Variants in BRMS1L observed in about 807,000 individuals in gnomAD.
The protein encoded by BRMS1L is BRMS1 like transcriptional repressor.
Under a neutral mutation model 50.3 loss-of-function variants are expected in BRMS1L, and 23 were observed. The ratio of observed to expected loss-of-function variants is 0.46; its 90% confidence interval spans 0.33 to 0.65. The LOEUF (loss-of-function observed/expected upper bound fraction) is 0.65. Ranked by LOEUF, BRMS1L falls within the 30% of genes least tolerant of loss-of-function variation. BRMS1L has a pLI of 0.02. For synonymous variants in BRMS1L, 114 were observed against 126.9 expected, an observed-to-expected ratio of 0.90 and a Z score of 0.69; for missense variants, 286 against 386.1, an observed-to-expected ratio of 0.74 and a Z score of 2.17.
At chr14:35,845,467 G>A (rs185203865) in intron 4 of BRMS1L, among the ~76,000 whole-genome samples, 1 of 152,062 alleles carries the variant, frequency 6.6e-6, no homozygotes, top group Non-Finnish European at 1.5e-5. Context: ...TGAATTAGTC[G>A]TGGTTTTATT....
chr14:35,842,469 G>C (rs1049097098), intron 4 of BRMS1L, among the ~76,000 whole-genome samples: 1 of 152,152 alleles, frequency 6.6e-6, no homozygotes, highest in African/African-American at 2.4e-5. Flanking sequence ...ATTCTGGGTT[G>C]AAAATTCTTT....
chr14:35,832,992 G>T lies in BRMS1L; in HGVS notation c.248G>T (p.Arg83Leu). ...GCTTTGTTAAGACTTTATAAAGAAC[G>T]ATTAAGTCAGGTGGATGCAAAACTA... ...TDLKDQLYKERLSQVDAKLQE... is the reference protein window; with the variant it reads ...TDLKDQLYKELLSQVDAKLQE... Residue 83 changes from arginine (R) to leucine (L), a missense_variant, in exon 3 of 10, where the codon CGA (arginine) becomes CTA (leucine). Arg to Leu is a moderately radical substitution (Grantham distance 102). Around this residue, in one of 5 missense-constraint regions of BRMS1L, gnomAD observed 160 missense variants for 240.6 expected, o/e 0.66. Transcript: ENST00000216807. 6.2e-7 allele frequency: 1 copy of T among 1,610,154 alleles called. No individual in the cohort carries two copies. The highest frequency in any genetic ancestry group is 1.1e-5 in the South Asian group (1 of 90,220).
At chr14:35,862,416 T>G (rs1232774739) in intron 4 of BRMS1L, among the ~76,000 whole-genome samples, 174 bp from the exon 5 acceptor site, 1 of 152,240 alleles carries the variant, frequency 6.6e-6, no homozygotes, top group Non-Finnish European at 1.5e-5. Flanking sequence ...GATTCTATAT[T>G]TTCTAGTTTT....
intron 4 of BRMS1L, among the ~76,000 whole-genome samples, chr14:35,861,982 T>A (rs544790796): frequency 6.6e-6 from 1 of 152,318 alleles, no homozygotes; most frequent in East Asian, 1.9e-4. Context: ...AGACCTGGGT[T>A]CTAGTCTATT....
At chr14:35,828,697 C>G (rs1348129607) in intron 1 of BRMS1L, among the ~76,000 whole-genome samples, 1 of 152,120 alleles carries the variant, frequency 6.6e-6, no homozygotes, top group Admixed American at 6.5e-5. Flanking sequence ...CTCAGGTGAT[C>G]TGCCTGCCTC....
chr14:35,831,738 C>G (rs546162676), intron 2 of BRMS1L, among the ~76,000 whole-genome samples: 2 of 151,962 alleles, frequency 1.3e-5, no homozygotes, highest in African/African-American at 4.8e-5. Context: ...TGGGCAACAT[C>G]GGAAGACCTG....
chr14:35,837,623 T>C (rs1265841563), intron 4 of BRMS1L, among the ~76,000 whole-genome samples: 2 of 152,154 alleles, frequency 1.3e-5, no homozygotes, highest in Non-Finnish European at 2.9e-5. Flanking sequence ...TGATCCTGGC[T>C]CACTGCATCC....
chr14:35,829,239 G>T (rs1314223432), intron 1 of BRMS1L, among the ~76,000 whole-genome samples: 1 of 152,192 alleles, frequency 6.6e-6, no homozygotes, highest in Non-Finnish European at 1.5e-5. Context: ...ACTGCACCTG[G>T]CCTGTTGGTG....
chr14:35,829,965 C>T, intron 1 of BRMS1L: 1 of 491,508 alleles, frequency 2.0e-6, no homozygotes, highest in Non-Finnish European at 2.8e-6. Flanking sequence ...TTGCCTCTTT[C>T]TCACTGATAG....
chr14:35,859,030 C>T (rs959294130), intron 4 of BRMS1L, among the ~76,000 whole-genome samples: 4 of 151,840 alleles, frequency 2.6e-5, no homozygotes, highest in African/African-American at 9.7e-5. Flanking sequence ...CAACCTCCAC[C>T]TCTTGGGTTC....
intron 4 of BRMS1L, among the ~76,000 whole-genome samples, chr14:35,859,198 C>T (rs1254325787): frequency 6.6e-6 from 1 of 152,130 alleles, no homozygotes; most frequent in Non-Finnish European, 1.5e-5. Context: ...CCAGCCTCAG[C>T]CTCCCAAAGT....
chr14:35,865,641 A>G, intron 7 of BRMS1L, 81 bp from the exon 8 acceptor site: 1 of 1,046,624 alleles, frequency 9.6e-7, no homozygotes, highest in South Asian at 1.5e-5. Flanking sequence ...GTAATATTGT[A>G]TATATTAAAT....
At chr14:35,867,170 A>T (rs923478166) in intron 8 of BRMS1L, among the ~76,000 whole-genome samples, 2 of 152,222 alleles carry the variant, frequency 1.3e-5, no homozygotes, top group African/African-American at 4.8e-5. Context: ...AGAAATATGG[A>T]TCTCCTGGAG....
chr14:35,862,561 A>T (rs763731468), intron 4 of BRMS1L, 29 bp from the exon 5 acceptor site: 4 of 1,492,538 alleles, frequency 2.7e-6, no homozygotes, highest in Admixed American at 4.1e-5. Flanking sequence ...TTTTCTTTCT[A>T]CTTAAGTATA....
chr14:35,847,170 G>T (rs1169987212), intron 4 of BRMS1L, among the ~76,000 whole-genome samples: 1 of 151,984 alleles, frequency 6.6e-6, no homozygotes, highest in African/African-American at 2.4e-5. Context: ...GTAGAGATGG[G>T]GTTTTGCCAT....
chr14:35,826,384 C>CG lies in BRMS1L; in HGVS notation c.-128dup, dbSNP rs2077841805. On this transcript the variant is annotated 5_prime_UTR_variant, in exon 1 of 10. Coordinates refer to ENST00000216807, the MANE Select transcript of BRMS1L (RefSeq NM_032352.4). Reference sequence around the variant, plus strand: ...GCGGGTTAGGTTGTGAGGCCCGGGCCGGGGGCGGGGAGGAGCCAAGGGGGC... The same window carrying CG: ...GCGGGTTAGGTTGTGAGGCCCGGGCCGGGGGGCGGGGAGGAGCCAAGGGGGC... 7.4e-7 allele frequency: 1 copy of CG among 1,359,546 alleles called. No homozygotes were observed. 84.2% of individuals were successfully genotyped at this position (1,359,546 alleles called of 1,614,324 possible).
intron 4 of BRMS1L, among the ~76,000 whole-genome samples, chr14:35,847,966 T>C (rs941605052): frequency 2.0e-5 from 3 of 152,212 alleles, no homozygotes; most frequent in Non-Finnish European, 4.4e-5. Flanking sequence ...TGTGGGTATT[T>C]AGGTTGTTTC....
rs776535559 is a variant in BRMS1L at position 35,831,436 on chromosome 14, A to C, written c.169A>C (p.Arg57=). The C allele has an allele frequency of 3.1e-6, 5 of 1,613,694 alleles. No individual in the cohort carries two copies. The East Asian group carries it at 8.9e-5, about 29-fold the overall frequency. ...AATGGATGATGAAGACTGTGAAAGA[A>C]GAAGAATGGAATGTTTGGATGAAAT... The part of the protein sequence containing the change: ...SEMDDEDCER[R]RMECLDEMSN... Residue 57 remains arginine (R), a synonymous_variant, in exon 2 of 10, where the codon AGA becomes CGA. Transcript: ENST00000216807.
At chr14:35,866,329 A>G (rs1157374726) in intron 8 of BRMS1L, among the ~76,000 whole-genome samples, 2 of 152,236 alleles carry the variant, frequency 1.3e-5, no homozygotes, top group African/African-American at 4.8e-5. Context: ...GCTAGACTAA[A>G]AAGAAAAACA....
Sources: gnomAD v4.1 joint callset for allele counts (sites outside exome capture counted in the v4.1 genomes callset) on GRCh38, gnomAD v4.1.1 for gene constraint, gnomAD v4.1.1 regional missense constraint, MANE v1.5 for transcripts, NCBI Gene and HGNC (gene_info 2026-07-23, HGNC 2026-07-21) for gene names.